KCNK10: variants seen among roughly 807,000 people sequenced by gnomAD.
The protein encoded by KCNK10 is potassium channel subfamily K member 10.
KCNK10 carries 25 observed loss-of-function variants against 47.7 expected under a neutral mutation model. That is an observed-to-expected ratio of 0.52 (90% CI 0.38 to 0.73). The LOEUF is 0.73. Among genes scored for constraint, KCNK10 ranks in the 30% least tolerant of loss-of-function variants. The probability of loss-of-function intolerance (pLI) is 0.00; values close to 1 mark genes in which losing one functional copy is unlikely to be tolerated. For missense variants in KCNK10, 563 were observed against 714.5 expected (o/e 0.79, Z 2.42); for synonymous variants, 303 against 285.6 (o/e 1.06, Z -0.61).
intron 1 of KCNK10, among the ~76,000 whole-genome samples, chr14:88,282,665 T>A (rs1887676262): frequency 6.6e-6 from 1 of 152,214 alleles, no homozygotes; most frequent in Admixed American, 6.5e-5. Context: ...AATTGCACAC[T>A]GTCTCAAACT....
chr14:88,238,553 T>G (rs1050390093), intron 3 of KCNK10, among the ~76,000 whole-genome samples: 1 of 152,182 alleles, frequency 6.6e-6, no homozygotes, highest in African/African-American at 2.4e-5. Context: ...TGCACACTAG[T>G]AGTCTGAGCT....
At chr14:88,222,569 G>A (rs1486587811) in intron 4 of KCNK10, among the ~76,000 whole-genome samples, 3 of 152,140 alleles carry the variant, frequency 2.0e-5, no homozygotes, top group African/African-American at 7.2e-5. Flanking sequence ...ATGCATCAAT[G>A]TAGGTTCATA....
At chr14:88,271,478 T>C (rs969501234) in intron 1 of KCNK10, among the ~76,000 whole-genome samples, 2 of 152,196 alleles carry the variant, frequency 1.3e-5, no homozygotes, top group African/African-American at 4.8e-5. Flanking sequence ...TCATGGTTTG[T>C]ACAAGCGCTA....
rs762658358 is a variant in KCNK10 at position 88,263,563 on chromosome 14, G to T, written c.53-12C>A. 2.5e-6 allele frequency: 4 copies of T among 1,602,620 alleles called. No homozygotes were observed. The South Asian group carries it at 4.4e-5, about 18-fold the overall frequency. ...TGCGGGAACGGCCACTGAGGAGTCA[G>T]GGTGGGGGACAAAGAAGAAGAGAGT... is the stretch of plus-strand genomic sequence containing the variant. On this transcript the variant is annotated splice_polypyrimidine_tract_variant and intron_variant, in intron 1 of 6. Transcript: ENST00000319231.
At chr14:88,279,386 T>C (rs1887597594) in intron 1 of KCNK10, among the ~76,000 whole-genome samples, 1 of 150,874 alleles carries the variant, frequency 6.6e-6, no homozygotes, top group South Asian at 2.1e-4. Flanking sequence ...TGTGTGTGTG[T>C]GTGTGTGTGT....
At chr14:88,305,442 C>A (rs550080127) in intron 1 of KCNK10, among the ~76,000 whole-genome samples, 4 of 152,112 alleles carry the variant, frequency 2.6e-5, no homozygotes, top group Non-Finnish European at 5.9e-5. Flanking sequence ...CCTCATCAAG[C>A]TTCACCCTCT....
chr14:88,234,878 G>C (rs1485770532), intron 3 of KCNK10: 1 of 302,870 alleles, frequency 3.3e-6, no homozygotes, highest in Non-Finnish European at 6.6e-6. Flanking sequence ...GCGGAGATTG[G>C]ACAGAAGCCA....
chr14:88,318,821 T>C (rs892089571), intron 1 of KCNK10, among the ~76,000 whole-genome samples: 7 of 152,220 alleles, frequency 4.6e-5, no homozygotes, highest in Non-Finnish European at 8.8e-5. Flanking sequence ...GTCATACCAC[T>C]AAGTATTGCT....
Position 88,184,674 on chromosome 14 carries a change from T to C in KCNK10, c.*861A>G, listed in dbSNP as rs1884481745. ...TTTCTACCCCTCTTATCAAAACAAG[T>C]TATAACCAAAGTACATGGACATTTC... On this transcript the variant is annotated 3_prime_UTR_variant, in exon 7 of 7. Coordinates refer to ENST00000319231, the MANE Select transcript of KCNK10 (RefSeq NM_138317.3). The C allele has an allele frequency of 6.6e-6, 1 of 152,334 alleles. No homozygotes were observed. The highest frequency in any genetic ancestry group is 2.4e-5 in the African/African-American group (1 of 41,458). 9.4% of individuals were successfully genotyped at this position (152,334 alleles called of 1,614,324 possible). A position where few individuals can be genotyped will look rare whatever the true frequency, so the allele number is the denominator to read the frequency against.
Position 88,322,671 on chromosome 14 carries a change from T to G in KCNK10, c.52+76A>C. The G allele has an allele frequency of 6.4e-7, 1 of 1,564,114 alleles. No individual in the cohort carries two copies. Among genetic ancestry groups the G allele is most frequent in the Non-Finnish European group, 8.8e-7 (1 of 1,135,134 alleles). On this transcript the variant is annotated intron_variant, in intron 1 of 6. Transcript: ENST00000319231. The surrounding 1 kb of genome is among the most constrained non-coding windows in gnomAD (Gnocchi z 4.8). ...GGACACACGCTGCCAGAAGCAAGAG[T>G]GCTTCCACTCAAGGAAGCGCGCACA...
At chr14:88,258,066 C>A (rs1366645926) in intron 2 of KCNK10, among the ~76,000 whole-genome samples, 2 of 152,090 alleles carry the variant, frequency 1.3e-5, no homozygotes, top group African/African-American at 2.4e-5. Flanking sequence ...GACCCCACCC[C>A]ATCCCATTAA....
Position 88,217,420 on chromosome 14 carries a change from G to C in KCNK10, c.681+9955C>G, listed in dbSNP as rs1450028679. On this transcript the variant is annotated intron_variant, in intron 4 of 6. Transcript: ENST00000319231. ...TTTGGGTGCAATGCTGATGTGCACA[G>C]CCAAGACCCTTGAACATTTTCATTA... Among the ~76,000 whole-genome samples, 4 of 152,148 alleles carry C rather than the reference G, an allele frequency of 2.6e-5. No individual in the cohort carries two copies. In the East Asian group the frequency reaches 5.8e-4, roughly 22 times the overall value.
chr14:88,222,233 C>T (rs748533703), intron 4 of KCNK10, among the ~76,000 whole-genome samples: 1 of 152,082 alleles, frequency 6.6e-6, no homozygotes, highest in Admixed American at 6.5e-5. Flanking sequence ...AAGACTGGCC[C>T]CCATGATTCA....
chr14:88,236,109 A>T (rs1886293778), intron 3 of KCNK10, among the ~76,000 whole-genome samples: 1 of 152,218 alleles, frequency 6.6e-6, no homozygotes, highest in African/African-American at 2.4e-5. Flanking sequence ...TGAGGCCAGG[A>T]GTCTGAGACC....
chr14:88,281,554 T>C (rs1887649242), intron 1 of KCNK10, among the ~76,000 whole-genome samples: 1 of 152,052 alleles, frequency 6.6e-6, no homozygotes, highest in Non-Finnish European at 1.5e-5. Flanking sequence ...TATCGGCTTT[T>C]CAGGGGAATT....
upstream of KCNK10, among the ~76,000 whole-genome samples, chr14:88,324,759 G>C (rs1011529844): frequency 6.6e-6 from 1 of 152,112 alleles, no homozygotes; most frequent in Non-Finnish European, 1.5e-5. Flanking sequence ...GCTACTCTAC[G>C]GCACCTTGAG....
chr14:88,306,409 G>T (rs1279893544), intron 1 of KCNK10, among the ~76,000 whole-genome samples: 1 of 152,084 alleles, frequency 6.6e-6, no homozygotes, highest in Non-Finnish European at 1.5e-5. Context: ...TGATAAAATG[G>T]GACCTTTTCC....
chr14:88,326,019 G>T (rs1270080251), upstream of KCNK10, among the ~76,000 whole-genome samples: 3 of 152,056 alleles, frequency 2.0e-5, no homozygotes, highest in African/African-American at 7.2e-5. Flanking sequence ...CTCCTGGTCT[G>T]CCTTGAAGAC....
chr14:88,320,615 G>C (rs1888527064), intron 1 of KCNK10, among the ~76,000 whole-genome samples: 3 of 152,102 alleles, frequency 2.0e-5, no homozygotes, highest in Non-Finnish European at 4.4e-5. Context: ...TGCCATCTCA[G>C]TCATTCCAAT....
Sources: allele counts gnomAD v4.1 joint callset (sites outside exome capture counted in the v4.1 genomes callset), GRCh38; gene constraint gnomAD v4.1.1; non-coding constraint Gnocchi (gnomAD v3.1); transcripts MANE v1.5; gene names NCBI Gene and HGNC (gene_info 2026-07-23, HGNC 2026-07-21).